The following CACNA2D1 variants were observed in gnomAD, a reference collection of about 807,000 sequenced individuals.
CACNA2D1 encodes the protein voltage-dependent calcium channel subunit alpha-2/delta-1.
A neutral mutation model predicts 171.5 loss-of-function variants in CACNA2D1; 53 were observed. The ratio of observed to expected loss-of-function variants is 0.31; its 90% CI spans 0.25 to 0.39. CACNA2D1 has a LOEUF of 0.39. Among genes scored for constraint, CACNA2D1 ranks in the 10% least tolerant of loss-of-function variants. The pLI is 1.00. For missense variants in CACNA2D1, 903 were observed against 1,299.8 expected (o/e 0.69, Z 4.69); for synonymous variants, 442 against 443.1 (o/e 1.00, Z 0.03).
At chr7:82,036,914 A>G (rs1584497099) in intron 11 of CACNA2D1, among the ~76,000 whole-genome samples, 1 of 152,026 alleles carries the variant, frequency 6.6e-6, no homozygotes, top group Admixed American at 6.6e-5. Context: ...TGACTCCAAT[A>G]CCACCCAGCA....
intron 2 of CACNA2D1, among the ~76,000 whole-genome samples, chr7:82,336,543 G>T (rs747536947): frequency 2.4e-4 from 36 of 152,032 alleles, no homozygotes; most frequent in Non-Finnish European, 4.1e-4. Flanking sequence ...AGTACTCAAG[G>T]CACGTTAATT....
At chr7:82,193,528 G>A (rs1345116277) in intron 3 of CACNA2D1, among the ~76,000 whole-genome samples, 2 of 151,860 alleles carry the variant, frequency 1.3e-5, no homozygotes, top group Non-Finnish European at 2.9e-5. Context: ...TTTTTAAGTA[G>A]ATTTAAAAAT....
chr7:82,210,967 C>G (rs924244033), intron 3 of CACNA2D1, among the ~76,000 whole-genome samples: 49 of 152,048 alleles, frequency 3.2e-4, no homozygotes, highest in Non-Finnish European at 5.9e-5. Flanking sequence ...TTTTTATGTG[C>G]TAGGCACTGT....
intron 15 of CACNA2D1, among the ~76,000 whole-genome samples, chr7:82,007,996 C>T (rs1799312811): frequency 1.3e-5 from 2 of 152,086 alleles, no homozygotes; most frequent in Non-Finnish European, 1.5e-5. Flanking sequence ...AAATAATCCT[C>T]TAAGATAACT....
At chr7:82,356,124 T>C (rs1163442454) in intron 1 of CACNA2D1, among the ~76,000 whole-genome samples, 1 of 150,526 alleles carries the variant, frequency 6.6e-6, no homozygotes, top group African/African-American at 2.5e-5. Flanking sequence ...CCTTATTTTA[T>C]ACCATCTCTA....
At chr7:82,182,954 G>A (rs1585029050) in intron 3 of CACNA2D1, among the ~76,000 whole-genome samples, 1 of 151,366 alleles carries the variant, frequency 6.6e-6, no homozygotes, top group South Asian at 2.1e-4. Context: ...GGAGAATCAC[G>A]TGAACCTGGG....
chr7:82,130,791 C>CTTTTTT (rs71093363), intron 5 of CACNA2D1, among the ~76,000 whole-genome samples: 11 of 105,854 alleles, frequency 1.0e-4, no homozygotes, highest in African/African-American at 1.6e-4. Context: ...TTGTTTTTGT[C>CTTTTTT]TTTTTTTTTT....
chr7:81,965,780 A>C (rs1437938602), intron 31 of CACNA2D1, 115 bp from the exon 32 acceptor site: 4 of 723,748 alleles, frequency 5.5e-6, no homozygotes, highest in Non-Finnish European at 1.0e-5. Flanking sequence ...TTAAATGCCT[A>C]TCTTCTCTTG....
chr7:82,224,181 T>A (rs1802090915), intron 3 of CACNA2D1, among the ~76,000 whole-genome samples: 1 of 152,312 alleles, frequency 6.6e-6, no homozygotes, highest in Admixed American at 6.5e-5. Flanking sequence ...ATTTGCTGAA[T>A]AAATAAATAA....
At chr7:82,407,469 T>C (rs1827182054) in intron 1 of CACNA2D1, among the ~76,000 whole-genome samples, 1 of 152,180 alleles carries the variant, frequency 6.6e-6, no homozygotes, top group African/African-American at 2.4e-5. Flanking sequence ...GTCTGCACAT[T>C]GGTCACAAAA....
chr7:82,385,932 T>C (rs902714768), intron 1 of CACNA2D1, among the ~76,000 whole-genome samples: 5 of 152,192 alleles, frequency 3.3e-5, no homozygotes, highest in Non-Finnish European at 5.9e-5. Flanking sequence ...CCCAAATTGA[T>C]AGGATTACAG....
At chr7:82,346,638 G>A (rs1162702809) in intron 2 of CACNA2D1, among the ~76,000 whole-genome samples, 1 of 151,832 alleles carries the variant, frequency 6.6e-6, no homozygotes, top group Non-Finnish European at 1.5e-5. Context: ...AGAAATGGGA[G>A]GTTTTAAATT....
At chr7:82,252,449 T>C (rs1210797428) in intron 3 of CACNA2D1, among the ~76,000 whole-genome samples, 1 of 152,204 alleles carries the variant, frequency 6.6e-6, no homozygotes, top group Non-Finnish European at 1.5e-5. Context: ...CATTGGCTCA[T>C]TTATTAAGCA....
chr7:82,220,594 C>G (rs1171069884), intron 3 of CACNA2D1, among the ~76,000 whole-genome samples: 1 of 151,910 alleles, frequency 6.6e-6, no homozygotes, highest in African/African-American at 2.4e-5. Context: ...ATAAAAATAA[C>G]CCCCTCATAT....
intron 9 of CACNA2D1, among the ~76,000 whole-genome samples, chr7:82,061,327 T>A (rs1314705970): frequency 6.6e-6 from 1 of 152,160 alleles, no homozygotes; most frequent in African/African-American, 2.4e-5. Context: ...ACTTAAGTGT[T>A]CCAAGGCTAT....
At chr7:82,260,640 A>C (rs1179767919) in intron 3 of CACNA2D1, among the ~76,000 whole-genome samples, 2 of 152,210 alleles carry the variant, frequency 1.3e-5, no homozygotes, top group African/African-American at 4.8e-5. Flanking sequence ...TGTGAGTAGA[A>C]GTTATTTCCA....
chr7:82,379,140 G>C (rs1481630744), intron 1 of CACNA2D1, among the ~76,000 whole-genome samples: 2 of 152,124 alleles, frequency 1.3e-5, no homozygotes, highest in Non-Finnish European at 2.9e-5. Flanking sequence ...CTTTTCATGT[G>C]TGTGGCCTAT....
chr7:82,035,372 G>A (rs924670506), intron 11 of CACNA2D1, among the ~76,000 whole-genome samples: 3 of 151,436 alleles, frequency 2.0e-5, no homozygotes, highest in African/African-American at 7.3e-5. Context: ...TGGCATTTGA[G>A]CAATAAGATG....
chr7:81,958,097 TAAAAAGA>T (rs1793648464), intron 38 of CACNA2D1, among the ~76,000 whole-genome samples: 2 of 149,884 alleles, frequency 1.3e-5, no homozygotes, highest in South Asian at 4.2e-4. Flanking sequence ...TAATATATCT[TAAAAAGA>T]AAAAAAAAAC....
Sources: allele counts gnomAD v4.1 joint callset (sites outside exome capture counted in the v4.1 genomes callset), GRCh38; gene constraint gnomAD v4.1.1; transcripts MANE v1.5; gene names NCBI Gene and HGNC (gene_info 2026-07-23, HGNC 2026-07-21).